Variants in CENPK observed in about 807,000 individuals in gnomAD.
CENPK encodes the protein SoxLZ/Sox6-binding protein Solt.
CENPK carries 46 observed loss-of-function variants against 40.9 expected under a neutral mutation model. The ratio of observed to expected loss-of-function variants is 1.13; its 90% CI spans 0.89 to 1.44. The LOEUF (loss-of-function observed/expected upper bound fraction) is 1.44. Among genes scored for constraint, CENPK ranks in the 40% most tolerant of loss-of-function variants. The pLI, the probability that CENPK is intolerant of heterozygous loss-of-function variation, is 0.00. For missense variants in CENPK, 288 were observed against 303.5 expected, an observed-to-expected ratio of 0.95 and a Z score of 0.38; for synonymous variants, 107 against 104.4, an observed-to-expected ratio of 1.02 and a Z score of -0.15.
intron 5 of CENPK, among the ~76,000 whole-genome samples, chr5:65,549,469 TTCTC>T (rs1408438685): frequency 6.6e-6 from 1 of 152,214 alleles, no homozygotes; most frequent in Non-Finnish European, 1.5e-5. Context: ...AGGCATCAAC[TTCTC>T]TCTAACTATA....
the CENPK span, among the ~76,000 whole-genome samples, chr5:65,508,597 C>A: frequency 1.3e-5 from 2 of 151,868 alleles, no homozygotes; most frequent in Non-Finnish European, 2.9e-5. Flanking sequence ...CCAGCCTGGC[C>A]AATATGGTGA....
intron 5 of CENPK, among the ~76,000 whole-genome samples, chr5:65,549,942 G>A (rs116193758): frequency 0.019 from 2,912 of 152,100 alleles, 69 homozygotes; most frequent in African/African-American, 0.058. Context: ...ACTGAAGCAG[G>A]TGGACCACGA....
intron 6 of CENPK, among the ~76,000 whole-genome samples, chr5:65,537,880 T>C (rs573227897): frequency 3.3e-5 from 5 of 152,374 alleles, no homozygotes; most frequent in African/African-American, 4.8e-5. Context: ...TGAACATTCA[T>C]GTGTAACTTT....
the CENPK span, among the ~76,000 whole-genome samples, chr5:65,496,989 G>T: frequency 3.3e-5 from 5 of 152,042 alleles, no homozygotes; most frequent in Non-Finnish European, 7.4e-5. Context: ...CCATGAGGCG[G>T]AGCATTGCAG....
At chr5:65,541,712 G>T (rs1320840456) in intron 6 of CENPK, among the ~76,000 whole-genome samples, 1 of 152,064 alleles carries the variant, frequency 6.6e-6, no homozygotes, top group African/African-American at 2.4e-5. Flanking sequence ...CACCAGAATC[G>T]CCTTTAAAGG....
the CENPK span, among the ~76,000 whole-genome samples, chr5:65,501,155 G>GT: frequency 7.8e-6 from 1 of 128,812 alleles, no homozygotes; most frequent in South Asian, 2.7e-4. Context: ...TTTCAGGCAT[G>GT]TTTGCAATTG....
rs1745159363 is a variant in CENPK at position 65,528,544 on chromosome 5, T to C, written c.505A>G (p.Ile169Val). The change falls in exon 9 of 11, where the codon ATA becomes GTA. Residue 169 changes from isoleucine (I) to valine (V), a missense_variant. Ile to Val is a conservative substitution (Grantham distance 29). Coordinates refer to ENST00000396679, the MANE Select transcript of CENPK (RefSeq NM_022145.5). ...FNELKTKMLNIKEYKEKLLST... is the reference protein window; with the variant it reads ...FNELKTKMLNVKEYKEKLLST... ...AAGAGTTTCTCCTTATATTCTTTTA[T>C]ATTAAGCATTTTAGTTTTCAGTTCA... The C allele has an allele frequency of 1.3e-6, 2 of 1,576,894 alleles. No individual in the cohort carries two copies. The highest frequency in any genetic ancestry group is 1.7e-6 in the Non-Finnish European group (2 of 1,167,760).
intron 5 of CENPK, among the ~76,000 whole-genome samples, 156 bp downstream of exon 5, chr5:65,551,408 A>G (rs915130405): frequency 1.3e-5 from 2 of 152,168 alleles, no homozygotes; most frequent in Non-Finnish European, 2.9e-5. Context: ...AAAGAAGTAC[A>G]AAATAATTCA....
chr5:65,545,288 T>A (rs1748686552), intron 5 of CENPK, among the ~76,000 whole-genome samples: 2 of 150,128 alleles, frequency 1.3e-5, no homozygotes, highest in African/African-American at 2.5e-5. Flanking sequence ...ATTATTCTTC[T>A]AAAGGCTGAA....
At position 65,554,948 on chromosome 5, in the gene CENPK, T is replaced by G. The variant is rs1432425931; in HGVS notation, c.-39-2A>C. 1 of 1,162,278 alleles carries G rather than the reference T, an allele frequency of 8.6e-7. No individual in the cohort carries two copies. Among genetic ancestry groups the G allele is most frequent in the Admixed American group, 1.8e-5 (1 of 54,438 alleles). 72.0% of individuals were successfully genotyped at this position (1,162,278 alleles called of 1,614,324 possible). A position where few individuals can be genotyped will look rare whatever the true frequency, so the allele number is the denominator to read the frequency against. ...GAATTTTTAGCCTTATAAGAAAAAC[T>G]AAAGCAAAAAATATTTATTCATTCA... On this transcript the variant is annotated splice_acceptor_variant, in intron 2 of 10. Transcript: ENST00000396679. LOFTEE classifies it low-confidence loss of function (5UTR_SPLICE).
At chr5:65,560,857 T>C (rs1457446337) in intron 2 of CENPK, 1 of 152,184 alleles carries the variant, frequency 6.6e-6, no homozygotes, top group Non-Finnish European at 1.5e-5. Flanking sequence ...ATCCTAAAGA[T>C]AGATATGTCT....
chr5:65,549,801 T>C (rs1393616679), intron 5 of CENPK, among the ~76,000 whole-genome samples: 1 of 152,200 alleles, frequency 6.6e-6, no homozygotes, highest in Non-Finnish European at 1.5e-5. Context: ...GATGGCTGGT[T>C]TGATCATCTA....
At chr5:65,500,011 T>C in the CENPK span, among the ~76,000 whole-genome samples, 28 of 76,970 alleles carry the variant, frequency 3.6e-4, no homozygotes, top group African/African-American at 1.3e-3. Context: ...TCATTTTTTA[T>C]GGCTGCATAG....
intron 9 of CENPK, among the ~76,000 whole-genome samples, chr5:65,524,221 CA>C (rs35248965): frequency 0.42 from 58,469 of 140,732 alleles, 11,955 homozygotes; most frequent in East Asian, 0.65. Flanking sequence ...TAAAAGCATA[CA>C]AAAAAAAAAA....
intron 6 of CENPK, chr5:65,529,495 C>CT (rs35215251): frequency 2.3e-3 from 421 of 183,064 alleles, no homozygotes; most frequent in Middle Eastern, 7.2e-3. Flanking sequence ...TTCTTTCTTT[C>CT]TTTTTTTTTT....
intron 5 of CENPK, among the ~76,000 whole-genome samples, chr5:65,545,058 CA>C (rs1375891843): frequency 6.6e-6 from 1 of 151,838 alleles, no homozygotes; most frequent in Non-Finnish European, 1.5e-5. Context: ...TTAAACTAAA[CA>C]AAACCTGAGG....
At chr5:65,531,439 T>C (rs1444970200) in intron 6 of CENPK, among the ~76,000 whole-genome samples, 1 of 149,836 alleles carries the variant, frequency 6.7e-6, no homozygotes, top group Non-Finnish European at 1.5e-5. Context: ...ACAATTGACA[T>C]GCAACATCAA....
At chr5:65,537,735 G>A (rs973655025) in intron 6 of CENPK, among the ~76,000 whole-genome samples, 6 of 152,192 alleles carry the variant, frequency 3.9e-5, no homozygotes, top group African/African-American at 1.4e-4. Context: ...CCATATTTTA[G>A]CATGTATCTC....
At chr5:65,525,249 C>G in intron 9 of CENPK, among the ~76,000 whole-genome samples, 1 of 151,720 alleles carries the variant, frequency 6.6e-6, no homozygotes. Flanking sequence ...CATGTAATCC[C>G]AGCTACTCAG....
Sources: allele counts gnomAD v4.1 joint callset (sites outside exome capture counted in the v4.1 genomes callset), GRCh38; gene constraint gnomAD v4.1.1; transcripts MANE v1.5; gene names NCBI Gene and HGNC (gene_info 2026-07-23, HGNC 2026-07-21).